Variants in NRXN1 observed in about 807,000 individuals in gnomAD.
The protein encoded by NRXN1 is neurexin-1.
Under a neutral mutation model 150.9 loss-of-function variants are expected in NRXN1, and 39 were observed. That is an observed-to-expected ratio of 0.26 (90% CI 0.20 to 0.34). NRXN1 has a LOEUF of 0.34. NRXN1 is among the 10% of genes least tolerant of loss of function. The pLI is 1.00. For missense variants in NRXN1, 1,815 were observed against 1,949.9 expected, an observed-to-expected ratio of 0.93 and a Z score of 1.30; for synonymous variants, 924 against 757.0, an observed-to-expected ratio of 1.22 and a Z score of -3.62.
chr2:50,698,840 T>C (rs902000736), intron 5 of NRXN1, among the ~76,000 whole-genome samples: 1 of 152,224 alleles, frequency 6.6e-6, no homozygotes, highest in Non-Finnish European at 1.5e-5. Flanking sequence ...ATGAAATGTC[T>C]GTCTGTTTCT....
At chr2:50,699,078 A>AT (rs1693362844) in intron 5 of NRXN1, among the ~76,000 whole-genome samples, 1 of 152,196 alleles carries the variant, frequency 6.6e-6, no homozygotes, top group African/African-American at 2.4e-5. Context: ...ACTGTCAGAC[A>AT]GTCATGGTGC....
At position 50,846,602 on chromosome 2, in the gene NRXN1, T is replaced by C. The variant is rs557014726; in HGVS notation, c.832+75267A>G. On this transcript the variant is annotated intron_variant, in intron 5 of 22. Transcript: ENST00000401669. ...TAAAAGGCATTCTAAAGAAATAGCA[T>C]AGACCAACAAAAACAGTTCAAAAAA... 2.6e-5 allele frequency among the ~76,000 whole-genome samples: 4 copies of C among 152,172 alleles called. No homozygotes were observed. The South Asian group carries it at 8.3e-4, about 31-fold the overall frequency.
At chr2:50,758,504 C>T (rs1020756227) in intron 5 of NRXN1, among the ~76,000 whole-genome samples, 5 of 151,778 alleles carry the variant, frequency 3.3e-5, no homozygotes, top group African/African-American at 7.3e-5. Flanking sequence ...AATGATGTTT[C>T]GCTGTGTTAC....
At chr2:50,256,324 G>C (rs1490156025) in intron 17 of NRXN1, among the ~76,000 whole-genome samples, 1 of 152,132 alleles carries the variant, frequency 6.6e-6, no homozygotes, top group Non-Finnish European at 1.5e-5. Flanking sequence ...TAGAACAATA[G>C]TTGGTTGGCT....
At chr2:50,486,353 C>A (rs144937328) in intron 15 of NRXN1, among the ~76,000 whole-genome samples, 8 of 152,094 alleles carry the variant, frequency 5.3e-5, no homozygotes, top group African/African-American at 1.9e-4. Context: ...GTTTTTCTCA[C>A]GAAAACACTC....
chr2:50,027,731 G>A (rs1231734417), intron 21 of NRXN1, among the ~76,000 whole-genome samples: 7 of 152,134 alleles, frequency 4.6e-5, no homozygotes, highest in African/African-American at 1.7e-4. Context: ...GCAACTGCCT[G>A]AGCCCTACCC....
At chr2:50,505,928 T>C (rs2104993825) in intron 13 of NRXN1, among the ~76,000 whole-genome samples, 1 of 152,286 alleles carries the variant, frequency 6.6e-6, no homozygotes, top group East Asian at 1.9e-4. Context: ...CCTATGTTTC[T>C]AGGGTGGACC....
chr2:50,236,992 C>A (rs200285268), intron 17 of NRXN1, 22 bp from the exon 18 acceptor site: 4 of 1,611,118 alleles, frequency 2.5e-6, no homozygotes, highest in Non-Finnish European at 3.4e-6. Context: ...AAACCAAAAC[C>A]AATTAGTCCA....
At chr2:50,972,857 G>A (rs1234374282) in intron 2 of NRXN1, among the ~76,000 whole-genome samples, 1 of 152,134 alleles carries the variant, frequency 6.6e-6, no homozygotes, top group East Asian at 1.9e-4. Flanking sequence ...TGGGGGTTGG[G>A]AACCCCTGAC....
intron 19 of NRXN1, among the ~76,000 whole-genome samples, chr2:50,081,462 G>A (rs913092679): frequency 1.3e-5 from 2 of 152,132 alleles, no homozygotes; most frequent in African/African-American, 2.4e-5. Flanking sequence ...TGAGGCATGA[G>A]AATTGTTTGA....
intron 8 of NRXN1, among the ~76,000 whole-genome samples, chr2:50,577,057 C>T (rs555134997): frequency 5.3e-5 from 8 of 151,996 alleles, no homozygotes; most frequent in Non-Finnish European, 8.8e-5. Context: ...TGATAGACTG[C>T]TACTATTTGG....
intron 18 of NRXN1, among the ~76,000 whole-genome samples, chr2:50,220,927 A>G (rs921489969): frequency 2.6e-5 from 4 of 152,014 alleles, no homozygotes; most frequent in African/African-American, 9.7e-5. Flanking sequence ...AAATCATTGC[A>G]ATTAAATATC....
intron 17 of NRXN1, among the ~76,000 whole-genome samples, chr2:50,254,942 G>A (rs973851204): frequency 6.6e-6 from 1 of 152,048 alleles, no homozygotes; most frequent in Non-Finnish European, 1.5e-5. Context: ...AGATAGCTGG[G>A]TCTACAGGCG....
intron 5 of NRXN1, among the ~76,000 whole-genome samples, chr2:50,711,352 T>G (rs886737302): frequency 6.4e-5 from 9 of 141,612 alleles, no homozygotes; most frequent in African/African-American, 2.4e-4. Flanking sequence ...TTTTTTTTTT[T>G]GAGACAGAGT....
At chr2:50,422,301 T>C (rs1171362552) in intron 17 of NRXN1, among the ~76,000 whole-genome samples, 2 of 152,166 alleles carry the variant, frequency 1.3e-5, no homozygotes, top group Non-Finnish European at 2.9e-5. Context: ...TGTGTCCCCA[T>C]GAATTCTAAC....
At chr2:50,239,662 G>GTATGTATA (rs2065807435) in intron 17 of NRXN1, among the ~76,000 whole-genome samples, 1 of 47,270 alleles carries the variant, frequency 2.1e-5, no homozygotes, top group African/African-American at 5.9e-5. Flanking sequence ...ACCTATTCCA[G>GTATGTATA]TATATATATA....
At chr2:50,650,671 T>C (rs750193846) in intron 5 of NRXN1, among the ~76,000 whole-genome samples, 5 of 152,042 alleles carry the variant, frequency 3.3e-5, no homozygotes, top group African/African-American at 9.7e-5. Context: ...ATTTTTCTCT[T>C]TGTACTTCAC....
chr2:50,137,462 A>G (rs568270794), intron 18 of NRXN1, among the ~76,000 whole-genome samples: 1 of 152,268 alleles, frequency 6.6e-6, no homozygotes, highest in East Asian at 1.9e-4. Flanking sequence ...AATTCCAAGC[A>G]AAGCCTCTTT....
At chr2:50,686,847 T>G (rs376755742) in intron 5 of NRXN1, among the ~76,000 whole-genome samples, 1 of 152,334 alleles carries the variant, frequency 6.6e-6, no homozygotes, top group South Asian at 2.1e-4. Flanking sequence ...ATTATGCATG[T>G]AAATGGGAAT....
Sources: allele counts gnomAD v4.1 joint callset (sites outside exome capture counted in the v4.1 genomes callset), GRCh38; gene constraint gnomAD v4.1.1; transcripts MANE v1.5; gene names NCBI Gene and HGNC (gene_info 2026-07-23, HGNC 2026-07-21).